Variants in PHTF1 observed in about 807,000 individuals in gnomAD.
The protein encoded by PHTF1 is putative homeodomain transcription factor 1.
In PHTF1, 88 loss-of-function variants were observed where a neutral mutation model predicts 102.4. The ratio of observed to expected loss-of-function variants is 0.86; its 90% CI spans 0.72 to 1.03. The LOEUF is 1.03. PHTF1 is among the 50% of genes least tolerant of loss of function. The pLI, the probability that PHTF1 is intolerant of heterozygous loss-of-function variation, is 0.00. For synonymous variants in PHTF1, 289 were observed against 305.2 expected (o/e 0.95, Z 0.55); for missense variants, 814 against 909.5 (o/e 0.89, Z 1.35).
At chr1:113,747,847 G>A (rs934086413) in intron 3 of PHTF1, among the ~76,000 whole-genome samples, 6 of 152,080 alleles carry the variant, frequency 3.9e-5, no homozygotes, top group African/African-American at 1.4e-4. Context: ...CAGTATCTCT[G>A]ACTCCCAATT....
At chr1:113,747,070 T>C (rs1252924437) in intron 3 of PHTF1, 2 of 152,262 alleles carry the variant, frequency 1.3e-5, no homozygotes, top group Non-Finnish European at 2.9e-5. Context: ...TGAGGATCAA[T>C]TGTGTGTGTT....
chr1:113,717,529 T>C (rs2101283180), intron 7 of PHTF1, among the ~76,000 whole-genome samples: 1 of 152,252 alleles, frequency 6.6e-6, no homozygotes, highest in South Asian at 2.1e-4. Flanking sequence ...GAAAAAGATA[T>C]TCCATCCCAA....
chr1:113,725,287 T>C (rs1030986087), intron 6 of PHTF1: 1 of 154,252 alleles, frequency 6.5e-6, no homozygotes, highest in Admixed American at 6.5e-5. Context: ...TAGTAGCAAC[T>C]GATCACTTTT....
chr1:113,703,880 C>T lies in PHTF1; in HGVS notation c.1890+201G>A, dbSNP rs553062062. The T allele has an allele frequency of 6.6e-5, 32 of 487,408 alleles. No homozygotes were observed. The East Asian group carries it at 7.0e-4, about 11-fold the overall frequency. 30.2% of individuals were successfully genotyped at this position (487,408 alleles called of 1,614,324 possible). A position where few individuals can be genotyped will look rare whatever the true frequency, so the allele number is the denominator to read the frequency against. ...TAATAATTACCAACTAAAATTAGAG[C>T]GATCTTACAGTTTGAAAGGACTTCA... On this transcript the variant is annotated intron_variant, in intron 15 of 18. Transcript: ENST00000369604.
At chr1:113,711,718 A>G (rs1651116160) in intron 10 of PHTF1, 28 bp downstream of exon 10, 6 of 1,526,026 alleles carry the variant, frequency 3.9e-6, no homozygotes, top group South Asian at 1.1e-5. Flanking sequence ...TCAAAAATAT[A>G]CCTTGATTTC....
chr1:113,741,363 CAT>C (rs1656322185), intron 3 of PHTF1, among the ~76,000 whole-genome samples: 1 of 152,172 alleles, frequency 6.6e-6, no homozygotes, highest in African/African-American at 2.4e-5. Flanking sequence ...TTTGAAGAAA[CAT>C]GTACACTAAT....
intron 5 of PHTF1, among the ~76,000 whole-genome samples, chr1:113,733,608 G>A (rs961733420): frequency 6.6e-6 from 1 of 152,100 alleles, no homozygotes; most frequent in Admixed American, 6.5e-5. Flanking sequence ...CCTTATTAAC[G>A]AGATTCCAGA....
At chr1:113,717,343 A>G (rs1652219124) in intron 7 of PHTF1, among the ~76,000 whole-genome samples, 2 of 152,324 alleles carry the variant, frequency 1.3e-5, no homozygotes, top group South Asian at 2.1e-4. Flanking sequence ...AACAACTAAC[A>G]AAGTGGCAGG....
At chr1:113,756,658 T>C (rs935624109) in intron 3 of PHTF1, among the ~76,000 whole-genome samples, 7 of 152,206 alleles carry the variant, frequency 4.6e-5, no homozygotes, top group Non-Finnish European at 7.3e-5. Context: ...AACCATTCCA[T>C]GATGAATTTG....
intron 16 of PHTF1, chr1:113,700,100 CA>C: frequency 1.9e-6 from 2 of 1,054,198 alleles, no homozygotes; most frequent in Non-Finnish European, 2.3e-6. Context: ...ACCTTGAGTT[CA>C]AAACCTCTAT....
chr1:113,759,834 C>A (rs1231897072), upstream of PHTF1, among the ~76,000 whole-genome samples: 1 of 152,264 alleles, frequency 6.6e-6, no homozygotes, highest in Non-Finnish European at 1.5e-5. Context: ...GGGCTGTGGG[C>A]TCCATGAGGT....
intron 5 of PHTF1, among the ~76,000 whole-genome samples, chr1:113,735,365 C>CG (rs1553231799): frequency 1.4e-4 from 4 of 28,444 alleles, no homozygotes; most frequent in Non-Finnish European, 2.4e-4. Flanking sequence ...GACTCTGTCT[C>CG]AAAAAAAAAA....
chr1:113,699,552 C>T (rs1050687093), intron 17 of PHTF1, 152 bp downstream of exon 17: 1 of 665,436 alleles, frequency 1.5e-6, no homozygotes, highest in Non-Finnish European at 2.7e-6. Flanking sequence ...TCCTAACCAC[C>T]ACTGTGACCC....
In PHTF1 at chr1:113,697,709, G is replaced by T; in HGVS notation, c.2285C>A (p.Ser762Ter). ...GFNIRLWKIK[S>*] ...GAGTCCAGGCATTTACTCAGCTTATGATTTAATTTTCCACAGCTAAGAGAA... is the reference window on the plus strand; with the variant it reads ...GAGTCCAGGCATTTACTCAGCTTATTATTTAATTTTCCACAGCTAAGAGAA... Residue 762 changes from serine to a stop codon, truncating the protein, a stop_gained, in exon 19 of 19, where the codon TCA becomes TAA. Transcript: ENST00000369604. LOFTEE classifies it high-confidence loss of function. 6.2e-7 allele frequency: 1 copy of T among 1,604,770 alleles called. No homozygotes were observed. Among genetic ancestry groups the T allele is most frequent in the South Asian group, 1.1e-5 (1 of 90,800 alleles).
chr1:113,744,167 C>T lies in PHTF1; in HGVS notation c.103-5368G>A, dbSNP rs151155248. On this transcript the variant is annotated intron_variant, in intron 3 of 18. Coordinates refer to ENST00000369604, the MANE Select transcript of PHTF1 (RefSeq NM_001323043.2). ...TTGCCAGAGTAGTGGTCTGGAAATTCTCTGCAGATCCCCAGCTGTAGGCTG... is the reference window on the plus strand; with the variant it reads ...TTGCCAGAGTAGTGGTCTGGAAATTTTCTGCAGATCCCCAGCTGTAGGCTG... Among the ~76,000 whole-genome samples the T allele has an allele frequency of 1.5e-3, 222 of 152,304 alleles. 1 individual carries two copies. The highest frequency in any genetic ancestry group is 2.4e-3 in the Non-Finnish European group (161 of 68,024).
At chr1:113,724,472 C>T (rs1045347509) in intron 7 of PHTF1, among the ~76,000 whole-genome samples, 5 of 145,442 alleles carry the variant, frequency 3.4e-5, no homozygotes, top group Admixed American at 7.2e-5. Flanking sequence ...ACTCAAGAGG[C>T]AGAGGTTGCA....
At chr1:113,699,569 C>A (rs1649213822) in intron 17 of PHTF1, 135 bp downstream of exon 17, 6 of 672,324 alleles carry the variant, frequency 8.9e-6, no homozygotes, top group Middle Eastern at 2.4e-4. Flanking sequence ...ACCCCTACCC[C>A]TGATGCCACT....
chr1:113,699,463 C>T, intron 17 of PHTF1: 1 of 632,528 alleles, frequency 1.6e-6, no homozygotes, highest in East Asian at 3.0e-5. Flanking sequence ...TGTCCTTGAC[C>T]AGATGGCCCA....
At position 113,704,110 on chromosome 1, in the gene PHTF1, G is replaced by A. The variant is rs1279388622; in HGVS notation, c.1861C>T (p.Leu621Phe). 6.2e-7 allele frequency: 1 copy of A among 1,613,200 alleles called. No homozygotes were observed. The highest frequency in any genetic ancestry group is 2.2e-5 in the East Asian group (1 of 44,868). ...GCACAACAAATGAAAGCAATCGAAA[G>A]TGTCAGTAGGAAAACCGAGGATACA... ...VVVSSVFLLTLSIAFICCAQV... is the reference protein window; with the variant it reads ...VVVSSVFLLTFSIAFICCAQV... The change falls in exon 15 of 19, where the codon CTT (leucine) becomes TTT (phenylalanine). Residue 621 changes from leucine to phenylalanine, a missense_variant. Physicochemically the swap from Leu to Phe is conservative, Grantham distance 22 (BLOSUM62 0). Coordinates refer to ENST00000369604, the MANE Select transcript of PHTF1 (RefSeq NM_001323043.2).
Sources: gnomAD v4.1 joint callset for allele counts (sites outside exome capture counted in the v4.1 genomes callset) on GRCh38, gnomAD v4.1.1 for gene constraint, MANE v1.5 for transcripts, NCBI Gene and HGNC (gene_info 2026-07-23, HGNC 2026-07-21) for gene names.